Variants in EMCN observed in about 807,000 individuals in gnomAD.
The protein encoded by EMCN is MUC-14.
In EMCN, 37 loss-of-function variants were observed where a neutral mutation model predicts 38.4. The ratio of observed to expected loss-of-function variants is 0.96; its 90% CI spans 0.74 to 1.27. The LOEUF (loss-of-function observed/expected upper bound fraction) is 1.27, where lower values mean the gene tolerates loss of function less well. Among genes scored for constraint, EMCN ranks in the 50% most tolerant of loss-of-function variants. The probability of loss-of-function intolerance (pLI) is 0.00; values close to 1 mark genes in which losing one functional copy is unlikely to be tolerated. For missense variants in EMCN, 318 were observed against 302.8 expected, an observed-to-expected ratio of 1.05 and a Z score of -0.37; for synonymous variants, 95 against 100.8, an observed-to-expected ratio of 0.94 and a Z score of 0.35.
At chr4:100,421,816 T>C (rs1216139809) in intron 7 of EMCN, among the ~76,000 whole-genome samples, 1 of 152,068 alleles carries the variant, frequency 6.6e-6, no homozygotes, top group Non-Finnish European at 1.5e-5. Context: ...ACAAATTTCT[T>C]TCTATAATAA....
intron 4 of EMCN, among the ~76,000 whole-genome samples, chr4:100,452,255 T>C (rs1727863623): frequency 6.6e-6 from 1 of 152,048 alleles, no homozygotes; most frequent in African/African-American, 2.4e-5. Flanking sequence ...AGATAAATTA[T>C]GCAAAAGGAA....
intron 5 of EMCN, among the ~76,000 whole-genome samples, chr4:100,436,097 C>T (rs1007550638): frequency 2.6e-5 from 4 of 151,814 alleles, no homozygotes; most frequent in Admixed American, 2.6e-4. Context: ...AGACAAAATA[C>T]AGAATAGGAA....
intron 4 of EMCN, among the ~76,000 whole-genome samples, chr4:100,462,844 A>G (rs1176035934): frequency 1.3e-5 from 2 of 152,134 alleles, no homozygotes; most frequent in Non-Finnish European, 2.9e-5. Context: ...AAACTTCTGT[A>G]TGTTGTGCTT....
chr4:100,512,319 C>T (rs960764222), intron 1 of EMCN, among the ~76,000 whole-genome samples: 1 of 152,038 alleles, frequency 6.6e-6, no homozygotes, highest in Non-Finnish European at 1.5e-5. Flanking sequence ...CATATAGTGC[C>T]CTTTCTAGAT....
chr4:100,498,523 T>C (rs1237443680), intron 1 of EMCN, among the ~76,000 whole-genome samples: 1 of 151,920 alleles, frequency 6.6e-6, no homozygotes, highest in Non-Finnish European at 1.5e-5. Context: ...TCTCGCTCTG[T>C]CACCCAGGAG....
intron 4 of EMCN, among the ~76,000 whole-genome samples, chr4:100,454,344 T>C (rs1281756169): frequency 5.3e-5 from 8 of 151,920 alleles, no homozygotes; most frequent in African/African-American, 1.7e-4. Flanking sequence ...TGGGGGACCT[T>C]TGTTATTGAC....
In EMCN at chr4:100,517,981, T is replaced by A; in HGVS notation, c.-67A>T. The A allele has an allele frequency of 6.7e-7, 1 of 1,499,432 alleles. No homozygotes were observed. Among genetic ancestry groups the A allele is most frequent in the Non-Finnish European group, 9.3e-7 (1 of 1,076,170 alleles). The allele number at this position is 1,499,432 out of a possible 1,614,324, so 92.9% of individuals were successfully genotyped here. ...AGGCAGGGACAATTCCCTCCCAGCC[T>A]GGCAGGGCCTTATTAGCAAATGGAA... On this transcript the variant is annotated 5_prime_UTR_variant, in exon 1 of 12. Transcript: ENST00000296420.
chr4:100,423,378 G>A lies in EMCN; in HGVS notation c.442C>T (p.Pro148Ser). The A allele has an allele frequency of 1.2e-6, 2 of 1,612,712 alleles. No homozygotes were observed. The highest frequency in any genetic ancestry group is 1.7e-6 in the Non-Finnish European group (2 of 1,179,046). The change falls in exon 6 of 12, where the codon CCT (proline) becomes TCT (serine). Residue 148 changes from proline to serine, a missense_variant. Pro to Ser is a moderately conservative substitution (Grantham distance 74, BLOSUM62 -1). Coordinates refer to ENST00000296420, the MANE Select transcript of EMCN (RefSeq NM_016242.4). ...PGSVLQPDASPSKTGTLTSIP... is the reference protein window; with the variant it reads ...PGSVLQPDASSSKTGTLTSIP... The stretch of plus-strand genomic sequence containing the variant: ...GAGGTTAATGTACCAGTTTTAGAAG[G>A]TGATGCATCTGGTTGTAGAACACTA...
rs570827549 is a variant in EMCN at position 100,437,171 on chromosome 4, A to T, written c.415+10362T>A. 6.6e-5 allele frequency among the ~76,000 whole-genome samples: 10 copies of T among 152,316 alleles called. No homozygotes were observed. In the East Asian group the frequency reaches 1.9e-3, roughly 29 times the overall value. ...AGTAGTTTTGATTTATATTTCCCTG[A>T]TGATTAATGATGTTGACCACATTTG... On this transcript the variant is annotated intron_variant, in intron 5 of 11. Coordinates refer to ENST00000296420, the MANE Select transcript of EMCN (RefSeq NM_016242.4).
At chr4:100,445,517 A>G (rs1220050133) in intron 5 of EMCN, among the ~76,000 whole-genome samples, 3 of 152,018 alleles carry the variant, frequency 2.0e-5, no homozygotes, top group Admixed American at 2.0e-4. Flanking sequence ...GACTGAATCC[A>G]TATTTGCTTA....
At chr4:100,467,339 G>C (rs982500860) in intron 3 of EMCN, among the ~76,000 whole-genome samples, 2 of 152,160 alleles carry the variant, frequency 1.3e-5, no homozygotes, top group Non-Finnish European at 2.9e-5. Context: ...TCAAATCCTA[G>C]TCTCAGGAGA....
intron 1 of EMCN, among the ~76,000 whole-genome samples, chr4:100,497,260 A>T (rs1729232186): frequency 6.6e-6 from 1 of 151,818 alleles, no homozygotes; most frequent in African/African-American, 2.4e-5. Context: ...AAAAAAAAAA[A>T]AAACTAGATT....
Position 100,475,029 on chromosome 4 carries a change from ATTACTCAC to A in EMCN, c.259+1_259+8del. Reference sequence around the variant, plus strand: ...TTTTAAAATTGTAGAAAAATGAATCATTACTCACCTTCATCTTTACTTGTTAAAAAAGT... The same window carrying A: ...TTTTAAAATTGTAGAAAAATGAATCACTTCATCTTTACTTGTTAAAAAAGT... On this transcript the variant is annotated splice_donor_variant and splice_donor_5th_base_variant and intron_variant, in intron 3 of 11. Transcript: ENST00000296420. LOFTEE classifies it high-confidence loss of function. 2 of 1,429,458 alleles carry A rather than the reference ATTACTCAC, an allele frequency of 1.4e-6. No individual in the cohort carries two copies. The highest frequency in any genetic ancestry group is 1.9e-6 in the Non-Finnish European group (2 of 1,044,830). The allele number at this position is 1,429,458 out of a possible 1,614,324, so 88.5% of individuals were successfully genotyped here. A position where few individuals can be genotyped will look rare whatever the true frequency, so the allele number is the denominator to read the frequency against.
chr4:100,435,632 A>G (rs1460548112), intron 5 of EMCN, among the ~76,000 whole-genome samples: 1 of 152,214 alleles, frequency 6.6e-6, no homozygotes, highest in Non-Finnish European at 1.5e-5. Flanking sequence ...AAACTATATT[A>G]CAAGGCTACA....
chr4:100,473,389 T>TTTTTTTTTTTTTTTA, intron 3 of EMCN, among the ~76,000 whole-genome samples: 1 of 138,338 alleles, frequency 7.2e-6, no homozygotes, highest in Non-Finnish European at 1.5e-5. Flanking sequence ...TTTTTTTGTT[T>TTTTTTTTTTTTTTTA]TTTTTTTTGC....
At chr4:100,508,385 GA>G (rs1255115659) in intron 1 of EMCN, among the ~76,000 whole-genome samples, 1 of 152,026 alleles carries the variant, frequency 6.6e-6, no homozygotes, top group East Asian at 1.9e-4. Context: ...TTTTTTTAGT[GA>G]AAGTACCCTT....
intron 1 of EMCN, among the ~76,000 whole-genome samples, chr4:100,500,990 C>T (rs1729336794): frequency 6.6e-6 from 1 of 151,940 alleles, no homozygotes; most frequent in Non-Finnish European, 1.5e-5. Flanking sequence ...TATATATACA[C>T]AGCAAATATT....
intron 3 of EMCN, among the ~76,000 whole-genome samples, chr4:100,470,568 T>G (rs546477309): frequency 1.3e-4 from 20 of 152,038 alleles, no homozygotes; most frequent in Non-Finnish European, 2.8e-4. Context: ...GAAACCATTC[T>G]ATTATGAAGC....
chr4:100,477,284 C>T (rs1728686993), intron 2 of EMCN, among the ~76,000 whole-genome samples: 1 of 152,112 alleles, frequency 6.6e-6, no homozygotes, highest in Non-Finnish European at 1.5e-5. Context: ...TTTCAAGTTT[C>T]TTTTTTATCC....
Sources: gnomAD v4.1 joint callset for allele counts (sites outside exome capture counted in the v4.1 genomes callset) on GRCh38, gnomAD v4.1.1 for gene constraint, MANE v1.5 for transcripts, NCBI Gene and HGNC (gene_info 2026-07-23, HGNC 2026-07-21) for gene names.